Variants in FMN1 observed in about 807,000 individuals in gnomAD.
The protein encoded by FMN1 is formin-1.
In FMN1, 110 loss-of-function variants were observed where a neutral mutation model predicts 132.4. That is an observed-to-expected ratio of 0.83 (90% confidence interval 0.71 to 0.97). The LOEUF (loss-of-function observed/expected upper bound fraction) is 0.97, where lower values mean the gene tolerates loss of function less well. Ranked by LOEUF, FMN1 falls within the 50% of genes least tolerant of loss-of-function variation. The pLI is 0.00. For synonymous variants in FMN1, 722 were observed against 651.7 expected, an observed-to-expected ratio of 1.11 and a Z score of -1.64; for missense variants, 1,792 against 1,705.3, an observed-to-expected ratio of 1.05 and a Z score of -0.90.
intron 4 of FMN1, among the ~76,000 whole-genome samples, chr15:33,118,342 C>CTA (rs200232783): frequency 2.0e-5 from 3 of 151,694 alleles, no homozygotes; most frequent in Admixed American, 6.6e-5. Flanking sequence ...TGATGATTGT[C>CTA]CAAACACAAA....
At chr15:32,803,230 T>G (rs2057540139) in intron 18 of FMN1, among the ~76,000 whole-genome samples, 1 of 152,230 alleles carries the variant, frequency 6.6e-6, no homozygotes, top group African/African-American at 2.4e-5. Context: ...AGATGCTGTC[T>G]CCTACCTCTA....
chr15:32,811,740 C>G (rs189541318), intron 17 of FMN1, among the ~76,000 whole-genome samples: 2 of 152,018 alleles, frequency 1.3e-5, no homozygotes, highest in African/African-American at 2.4e-5. Flanking sequence ...TCTCGGCTCA[C>G]TGCAACCTCC....
At chr15:32,777,241 TGA>T (rs2056448364) in intron 19 of FMN1, among the ~76,000 whole-genome samples, 5 of 152,126 alleles carry the variant, frequency 3.3e-5, no homozygotes, top group Admixed American at 1.3e-4. Context: ...ATCCGGCTTG[TGA>T]TCCACTTAGC....
intron 6 of FMN1, among the ~76,000 whole-genome samples, chr15:33,054,240 T>C (rs796602179): frequency 1.2e-4 from 18 of 152,310 alleles, no homozygotes; most frequent in African/African-American, 4.1e-4. Flanking sequence ...TGCCTGGAAA[T>C]AGAGACAAAG....
At chr15:32,988,119 G>A (rs1430688530) in intron 7 of FMN1, among the ~76,000 whole-genome samples, 1 of 138,838 alleles carries the variant, frequency 7.2e-6, no homozygotes, top group Non-Finnish European at 1.5e-5. Flanking sequence ...GAGTGATGCT[G>A]TTGGACTCCA....
intron 6 of FMN1, among the ~76,000 whole-genome samples, chr15:33,018,870 G>C (rs1389366389): frequency 6.6e-6 from 1 of 152,158 alleles, no homozygotes; most frequent in Non-Finnish European, 1.5e-5. Flanking sequence ...CACGTCTGGA[G>C]TTGTTCGATC....
At chr15:32,987,119 G>C (rs1256234623) in intron 7 of FMN1, among the ~76,000 whole-genome samples, 1 of 152,024 alleles carries the variant, frequency 6.6e-6, no homozygotes, top group Non-Finnish European at 1.5e-5. Flanking sequence ...TTAATAATGT[G>C]AAAAGGCAGA....
At chr15:33,190,189 A>G (rs143735501) in intron 2 of FMN1, among the ~76,000 whole-genome samples, 1 of 152,328 alleles carries the variant, frequency 6.6e-6, no homozygotes, top group African/African-American at 2.4e-5. Flanking sequence ...TACAATAGCA[A>G]AGAGCAAAAA....
chr15:33,007,933 A>G, intron 7 of FMN1, 81 bp downstream of exon 7: 1 of 1,215,548 alleles, frequency 8.2e-7, no homozygotes, highest in Admixed American at 2.1e-5. Flanking sequence ...ACTTCAACTT[A>G]AGAGGAATAT....
chr15:32,843,426 G>T (rs2058789223), intron 17 of FMN1, among the ~76,000 whole-genome samples: 1 of 152,182 alleles, frequency 6.6e-6, no homozygotes. Flanking sequence ...TTAAGTTAAA[G>T]AAAGCAACGA....
Position 33,151,261 on chromosome 15 carries a change from C to A in FMN1, c.1867+1787G>T, listed in dbSNP as rs1964427243. The A allele has an allele frequency of 2.6e-6, 4 of 1,536,080 alleles. No individual in the cohort carries two copies. In the East Asian group the frequency reaches 9.8e-5, roughly 38 times the overall value. On this transcript the variant is annotated intron_variant, in intron 4 of 20. Coordinates refer to ENST00000616417, the MANE Select transcript of FMN1 (RefSeq NM_001277313.2). Reference sequence around the variant, plus strand: ...TTACCCATATCAAAAAAAGCTCTTACCCACTTCTACTCTCCTTCCCTTTTC... The same window carrying A: ...TTACCCATATCAAAAAAAGCTCTTAACCACTTCTACTCTCCTTCCCTTTTC...
intron 18 of FMN1, among the ~76,000 whole-genome samples, chr15:32,799,438 T>C (rs760870525): frequency 1.3e-5 from 2 of 152,184 alleles, no homozygotes; most frequent in South Asian, 4.1e-4. Flanking sequence ...ACTGGCTTTG[T>C]AATCTTGGGT....
chr15:32,925,721 T>C (rs1410207764), intron 10 of FMN1, among the ~76,000 whole-genome samples: 1 of 152,150 alleles, frequency 6.6e-6, no homozygotes, highest in Non-Finnish European at 1.5e-5. Context: ...CTACGATTAA[T>C]GTCTTTGAAG....
At chr15:32,972,148 G>A (rs1418478282) in intron 7 of FMN1, among the ~76,000 whole-genome samples, 1 of 152,148 alleles carries the variant, frequency 6.6e-6, no homozygotes, top group Admixed American at 6.5e-5. Context: ...CATAGTAAGT[G>A]CTATTTCAGT....
At chr15:32,894,487 T>TAA (rs374906354) in intron 15 of FMN1, among the ~76,000 whole-genome samples, 19 of 130,420 alleles carry the variant, frequency 1.5e-4, no homozygotes, top group African/African-American at 5.0e-4. Context: ...CCATCTCAAT[T>TAA]AAAAAAAAAA....
intron 3 of FMN1, among the ~76,000 whole-genome samples, chr15:33,165,645 C>T (rs1965076976): frequency 6.6e-6 from 1 of 152,156 alleles, no homozygotes; most frequent in Admixed American, 6.5e-5. Context: ...CCTGCCTCGG[C>T]CTCCCAAAGT....
At chr15:33,088,771 C>T in intron 5 of FMN1, 28 bp downstream of exon 5, 1 of 1,524,788 alleles carries the variant, frequency 6.6e-7, no homozygotes, top group Non-Finnish European at 8.8e-7. Flanking sequence ...CAAAGAACCA[C>T]AGCACAATCA....
intron 4 of FMN1, among the ~76,000 whole-genome samples, chr15:33,129,367 G>A (rs987387732): frequency 2.0e-5 from 3 of 152,146 alleles, no homozygotes; most frequent in African/African-American, 7.2e-5. Flanking sequence ...ATCTGAGGCT[G>A]GTGTAGCAAT....
chr15:32,790,182 C>G (rs2057026209), intron 19 of FMN1, among the ~76,000 whole-genome samples: 1 of 152,220 alleles, frequency 6.6e-6, no homozygotes, highest in South Asian at 2.1e-4. Context: ...AGGAATAACA[C>G]TGCATGATTC....
Sources: allele counts gnomAD v4.1 joint callset (sites outside exome capture counted in the v4.1 genomes callset), GRCh38; gene constraint gnomAD v4.1.1; transcripts MANE v1.5; gene names NCBI Gene and HGNC (gene_info 2026-07-23, HGNC 2026-07-21).